ZCCHC10: variants seen among roughly 807,000 people sequenced by gnomAD.
The protein encoded by ZCCHC10 is zinc finger CCHC-type containing 10.
A neutral mutation model predicts 19.5 loss-of-function variants in ZCCHC10; 16 were observed. That is an observed-to-expected ratio of 0.82 (90% CI 0.56 to 1.25). The LOEUF (loss-of-function observed/expected upper bound fraction) is 1.25, where lower values mean the gene tolerates loss of function less well. Ranked by LOEUF, ZCCHC10 falls within the 50% of genes most tolerant of loss-of-function variation. ZCCHC10 has a pLI of 0.00. For synonymous variants in ZCCHC10, 67 were observed against 72.5 expected (o/e 0.92, Z 0.38); for missense variants, 197 against 201.0 (o/e 0.98, Z 0.12).
At chr5:133,013,791 T>C (rs1763732636) in intron 2 of ZCCHC10, among the ~76,000 whole-genome samples, 1 of 134,714 alleles carries the variant, frequency 7.4e-6, no homozygotes, top group East Asian at 2.3e-4. Context: ...TTGGTACAAC[T>C]ATTTTGGGAA....
rs532405656 is a variant in ZCCHC10, at chr5:132,997,430, A to T, written c.*1153T>A. The stretch of plus-strand genomic sequence containing the variant: ...CCTCTTTCCAAAAAGTTAAAAAGAC[A>T]TCACAGAATACTGTGATGTTAAACC... On this transcript the variant is annotated 3_prime_UTR_variant, in exon 5 of 5. Coordinates refer to ENST00000509437, the MANE Select transcript of ZCCHC10 (RefSeq NM_001300816.3). 1 of 152,216 alleles carries T rather than the reference A, an allele frequency of 6.6e-6. No homozygotes were observed. Among genetic ancestry groups the T allele is most frequent in the Non-Finnish European group, 1.5e-5 (1 of 68,024 alleles). The allele number at this position is 152,216 out of a possible 1,614,324, so 9.4% of individuals were successfully genotyped here. A position where few individuals can be genotyped will look rare whatever the true frequency, so the allele number is the denominator to read the frequency against.
In ZCCHC10 at chr5:132,998,651, T is replaced by G. The variant is rs1289983637; in HGVS notation, c.511A>C (p.Ser171Arg). The change falls in exon 5 of 5, where the codon AGT (serine) becomes CGT (arginine). Residue 171 changes from serine (S) to arginine (R), a missense_variant. Transcript: ENST00000509437. ...CTATCTGTGCTGGTGCTACTGCTAC[T>G]GGAAGAGCTGGAATCTGAGTCTGAA... ...SDSDSDSSSSSSSSTSTDSSS... is the reference protein window; with the variant it reads ...SDSDSDSSSSRSSSTSTDSSS... The G allele has an allele frequency of 6.2e-7, 1 of 1,614,192 alleles. No homozygotes were observed. Among genetic ancestry groups the G allele is most frequent in the South Asian group, 1.1e-5 (1 of 91,086 alleles).
In ZCCHC10 at chr5:133,026,349, C is replaced by T. The variant is rs923030433; in HGVS notation, c.41+148G>A. 6.1e-6 allele frequency: 7 copies of T among 1,151,146 alleles called. No individual in the cohort carries two copies. In the African/African-American group the frequency reaches 6.2e-5, roughly 10 times the overall value. 71.3% of individuals were successfully genotyped at this position (1,151,146 alleles called of 1,614,324 possible). A position where few individuals can be genotyped will look rare whatever the true frequency, so the allele number is the denominator to read the frequency against. On this transcript the variant is annotated intron_variant, in intron 1 of 4. Coordinates refer to ENST00000509437, the MANE Select transcript of ZCCHC10 (RefSeq NM_001300816.3). ...GCTAACCCCCGGTCACCAGACTTATCGCCCGGGCCCGAGCCCCCCGGGAGC... is the reference window on the plus strand; with the variant it reads ...GCTAACCCCCGGTCACCAGACTTATTGCCCGGGCCCGAGCCCCCCGGGAGC...
chr5:133,015,226 G>A (rs1035224790), intron 2 of ZCCHC10, among the ~76,000 whole-genome samples: 3 of 151,646 alleles, frequency 2.0e-5, no homozygotes, highest in East Asian at 1.9e-4. Flanking sequence ...TTACAGGTGC[G>A]CACCACCACA....
chr5:133,023,322 T>G (rs1764450885), intron 1 of ZCCHC10, among the ~76,000 whole-genome samples: 1 of 152,126 alleles, frequency 6.6e-6, no homozygotes, highest in South Asian at 2.1e-4. Flanking sequence ...AAGTACAGTT[T>G]ACAAGGTAAA....
chr5:133,016,838 T>C (rs1488415511), intron 2 of ZCCHC10, among the ~76,000 whole-genome samples: 3 of 152,120 alleles, frequency 2.0e-5, no homozygotes, highest in Admixed American at 2.0e-4. Context: ...ATGTAACCAA[T>C]TGCCCATTGT....
At chr5:133,001,267 T>A (rs1463645369) in intron 3 of ZCCHC10, among the ~76,000 whole-genome samples, 1 of 151,712 alleles carries the variant, frequency 6.6e-6, no homozygotes, top group African/African-American at 2.4e-5. Context: ...GGTGCATGCC[T>A]GTACTCCCAG....
At chr5:133,005,744 A>C (rs564052423) in intron 3 of ZCCHC10, among the ~76,000 whole-genome samples, 62 of 152,262 alleles carry the variant, frequency 4.1e-4, no homozygotes, top group African/African-American at 1.5e-3. Context: ...TTCTTTTGTG[A>C]GATTAGAGAA....
intron 2 of ZCCHC10, among the ~76,000 whole-genome samples, chr5:133,007,846 A>C (rs114315941): frequency 2.0e-5 from 3 of 152,278 alleles, no homozygotes; most frequent in African/African-American, 7.2e-5. Context: ...ATTCTGTTCC[A>C]GTTATGTGAG....
intron 3 of ZCCHC10, among the ~76,000 whole-genome samples, chr5:133,003,635 C>T (rs573079039): frequency 6.6e-6 from 1 of 152,188 alleles, no homozygotes; most frequent in East Asian, 1.9e-4. Flanking sequence ...GGATTACAGG[C>T]ATGAGCCACA....
chr5:132,999,862 C>G (rs562359832), intron 4 of ZCCHC10, among the ~76,000 whole-genome samples: 1 of 152,260 alleles, frequency 6.6e-6, no homozygotes, highest in African/African-American at 2.4e-5. Context: ...ATTCTCCTGC[C>G]TCAGCCTCTC....
intron 2 of ZCCHC10, among the ~76,000 whole-genome samples, chr5:133,018,368 A>G (rs1162119099): frequency 6.6e-6 from 1 of 151,686 alleles, no homozygotes; most frequent in Non-Finnish European, 1.5e-5. Flanking sequence ...ATCAGGTCTC[A>G]AACTCCTGGG....
At chr5:133,007,256 T>C (rs1216473081) in intron 2 of ZCCHC10, among the ~76,000 whole-genome samples, 1 of 151,848 alleles carries the variant, frequency 6.6e-6, no homozygotes, top group Non-Finnish European at 1.5e-5. Context: ...AAAATAGGAG[T>C]TTCCGGCTGG....
intron 2 of ZCCHC10, among the ~76,000 whole-genome samples, chr5:133,007,897 A>G (rs914925980): frequency 1.6e-4 from 25 of 152,242 alleles, no homozygotes; most frequent in African/African-American, 5.8e-4. Context: ...GAACTAGAAA[A>G]GACCGTCAAA....
At chr5:133,004,550 C>T (rs987364313) in intron 3 of ZCCHC10, among the ~76,000 whole-genome samples, 5 of 151,822 alleles carry the variant, frequency 3.3e-5, no homozygotes, top group Non-Finnish European at 7.4e-5. Flanking sequence ...TGCAGTGGCG[C>T]GATCTCGGCT....
chr5:133,019,384 C>T (rs1177471280), intron 2 of ZCCHC10, among the ~76,000 whole-genome samples: 1 of 152,084 alleles, frequency 6.6e-6, no homozygotes, highest in Non-Finnish European at 1.5e-5. Context: ...TTCTTTCTAC[C>T]CAAATGAATT....
intron 2 of ZCCHC10, among the ~76,000 whole-genome samples, chr5:133,007,538 G>A (rs536207416): frequency 5.7e-4 from 78 of 136,176 alleles, no homozygotes; most frequent in East Asian, 3.3e-3. Context: ...GCGAGACTCC[G>A]TCTCACAAAA....
chr5:133,015,728 G>C (rs1046082220), intron 2 of ZCCHC10, among the ~76,000 whole-genome samples: 1 of 149,932 alleles, frequency 6.7e-6, no homozygotes, highest in African/African-American at 2.5e-5. Flanking sequence ...ACATGGGAGA[G>C]ACTGAGTCAG....
At position 133,026,486 on chromosome 5, in the gene ZCCHC10, T is replaced by G; in HGVS notation, c.41+11A>C. On this transcript the variant is annotated intron_variant, in intron 1 of 4. Transcript: ENST00000509437. The stretch of plus-strand genomic sequence containing the variant: ...AGCCCTCCAGTGGACCCGAACCGGA[T>G]CCTTACTTACGCTTGTCTCCGGGCT... 6.2e-7 allele frequency: 1 copy of G among 1,613,384 alleles called. No individual in the cohort carries two copies. Among genetic ancestry groups the G allele is most frequent in the Non-Finnish European group, 8.5e-7 (1 of 1,179,842 alleles).
Sources: allele counts gnomAD v4.1 joint callset (sites outside exome capture counted in the v4.1 genomes callset), GRCh38; gene constraint gnomAD v4.1.1; transcripts MANE v1.5; gene names NCBI Gene and HGNC (gene_info 2026-07-23, HGNC 2026-07-21).